MCC: variants seen among roughly 807,000 people sequenced by gnomAD.
MCC encodes colorectal mutant cancer protein.
MCC carries 90 observed loss-of-function variants against 116.2 expected under a neutral mutation model. The observed-to-expected ratio is 0.77, with a 90% CI of 0.65 to 0.92. MCC has a LOEUF of 0.92. Among genes scored for constraint, MCC ranks in the 40% least tolerant of loss-of-function variants. The pLI is 0.00. For synonymous variants in MCC, 578 were observed against 510.5 expected, an observed-to-expected ratio of 1.13 and a Z score of -1.78; for missense variants, 1,516 against 1,312.2, an observed-to-expected ratio of 1.16 and a Z score of -2.40.
intron 3 of MCC, among the ~76,000 whole-genome samples, chr5:113,272,841 G>A (rs1765667348): frequency 6.6e-6 from 1 of 152,190 alleles, no homozygotes; most frequent in Non-Finnish European, 1.5e-5. Flanking sequence ...CCTTTACTTT[G>A]CTGTCCTTCA....
At chr5:113,383,653 T>A (rs374366908) in intron 2 of MCC, among the ~76,000 whole-genome samples, 2 of 152,000 alleles carry the variant, frequency 1.3e-5, no homozygotes, top group Admixed American at 6.6e-5. Flanking sequence ...TTTCCCCGTG[T>A]TTTTTTATAA....
intron 3 of MCC, among the ~76,000 whole-genome samples, chr5:113,266,264 A>AC (rs1765413809): frequency 6.8e-6 from 1 of 146,322 alleles, no homozygotes; most frequent in African/African-American, 2.6e-5. Context: ...CACACACACA[A>AC]AACCATTATC....
chr5:113,115,102 C>G (rs114342657), intron 6 of MCC, among the ~76,000 whole-genome samples: 24 of 152,222 alleles, frequency 1.6e-4, no homozygotes, highest in South Asian at 4.1e-4. Context: ...GATCCTCCCC[C>G]CTGAGACGCT....
At chr5:113,233,238 CA>C (rs1276780336) in intron 3 of MCC, among the ~76,000 whole-genome samples, 3 of 152,112 alleles carry the variant, frequency 2.0e-5, no homozygotes, top group Non-Finnish European at 2.9e-5. Context: ...GTTATATCGG[CA>C]AATGTATGTA....
Position 113,320,149 on chromosome 5 carries a change from G to A in MCC, c.627+20370C>T, listed in dbSNP as rs370120990. Among the ~76,000 whole-genome samples the A allele has an allele frequency of 1.1e-4, 17 of 152,144 alleles. No individual in the cohort carries two copies. The East Asian group carries it at 1.5e-3, about 14-fold the overall frequency. On this transcript the variant is annotated intron_variant, in intron 3 of 18. Transcript: ENST00000408903. ...TTGACTCACTAGTATGCTTATTAGC[G>A]TATATAAACTTTTGCAAAAATTCAA...
intron 11 of MCC, among the ~76,000 whole-genome samples, chr5:113,076,638 C>T (rs1754475191): frequency 1.3e-5 from 2 of 152,140 alleles, no homozygotes; most frequent in Admixed American, 1.3e-4. Context: ...CCAGGCCTGC[C>T]TTACAAGAGC....
intron 3 of MCC, 50 bp downstream of exon 3, chr5:113,340,469 G>T: frequency 1.4e-6 from 2 of 1,470,360 alleles, no homozygotes; most frequent in Non-Finnish European, 9.5e-7. Context: ...TATTTGTATT[G>T]GAATACAGAC....
intron 6 of MCC, among the ~76,000 whole-genome samples, chr5:113,110,088 G>C (rs1193216581): frequency 6.6e-6 from 1 of 152,118 alleles, no homozygotes; most frequent in Non-Finnish European, 1.5e-5. Context: ...CAAGTAGCTG[G>C]GGTTACAGGC....
chr5:113,050,923 G>A (rs1318008025), intron 15 of MCC, among the ~76,000 whole-genome samples: 2 of 152,222 alleles, frequency 1.3e-5, no homozygotes, highest in Non-Finnish European at 2.9e-5. Context: ...TACGGGAGCA[G>A]GATTCTCATC....
chr5:113,137,863 C>T (rs1458578848), intron 5 of MCC, among the ~76,000 whole-genome samples: 1 of 152,050 alleles, frequency 6.6e-6, no homozygotes, highest in Non-Finnish European at 1.5e-5. Flanking sequence ...CAGATGGTGC[C>T]ATCACTAGGT....
intron 3 of MCC, among the ~76,000 whole-genome samples, chr5:113,152,235 A>C (rs1489876436): frequency 6.6e-6 from 1 of 152,230 alleles, no homozygotes; most frequent in African/African-American, 2.4e-5. Context: ...TCAACTTCCA[A>C]GTTCTAAAGA....
rs1756611238 is a variant in MCC at position 113,104,373 on chromosome 5, C to G, written c.1028-18G>C. 2 of 1,592,478 alleles carry G rather than the reference C, an allele frequency of 1.3e-6. No individual in the cohort carries two copies. The highest frequency in any genetic ancestry group is 1.3e-5 in the African/African-American group (1 of 74,496). ...GCAGTTGTCTGTGAGTGAATGAAGA[C>G]AAAATGCGTTACACAGGGCAACAAA... On this transcript the variant is annotated intron_variant, in intron 6 of 18. Transcript: ENST00000408903.
intron 3 of MCC, among the ~76,000 whole-genome samples, chr5:113,227,581 A>G (rs965078704): frequency 3.3e-5 from 5 of 152,226 alleles, no homozygotes; most frequent in Non-Finnish European, 7.3e-5. Flanking sequence ...TGATTTATAG[A>G]ATAATATCCC....
At chr5:113,118,926 C>T (rs984027780) in intron 6 of MCC, among the ~76,000 whole-genome samples, 3 of 152,186 alleles carry the variant, frequency 2.0e-5, no homozygotes, top group African/African-American at 7.2e-5. Flanking sequence ...TCCTCATGGG[C>T]TCCGACCCCA....
At chr5:113,274,230 G>A (rs1211395750) in intron 3 of MCC, among the ~76,000 whole-genome samples, 1 of 152,234 alleles carries the variant, frequency 6.6e-6, no homozygotes, top group Non-Finnish European at 1.5e-5. Flanking sequence ...AGATCTGGGT[G>A]TTAGAAACTT....
At chr5:113,185,568 A>G (rs1000409795) in intron 3 of MCC, among the ~76,000 whole-genome samples, 18 of 152,234 alleles carry the variant, frequency 1.2e-4, no homozygotes, top group Non-Finnish European at 5.9e-5. Flanking sequence ...ATCAGCAAGA[A>G]CTGACAGCTG....
rs552199256 is a variant in MCC, at chr5:113,402,065, C to T, written c.171-16853G>A. Among the ~76,000 whole-genome samples the T allele has an allele frequency of 2.0e-3, 309 of 151,830 alleles. 1 individual carries two copies. Among genetic ancestry groups the T allele is most frequent in the African/African-American group, 7.1e-3 (295 of 41,428 alleles). On this transcript the variant is annotated intron_variant, in intron 1 of 18. Transcript: ENST00000408903. ...ATCCCAGCACTTTGGGAGGCCGAGGCGGGTGGATCACGAGGTCCGGAGATC... is the reference window on the plus strand; with the variant it reads ...ATCCCAGCACTTTGGGAGGCCGAGGTGGGTGGATCACGAGGTCCGGAGATC...
intron 1 of MCC, among the ~76,000 whole-genome samples, chr5:113,460,180 T>A (rs1771706039): frequency 6.6e-6 from 1 of 152,214 alleles, no homozygotes; most frequent in Non-Finnish European, 1.5e-5. Context: ...CAGCTTTTCA[T>A]GACTGTCATG....
chr5:113,128,133 T>C (rs1159427115), intron 5 of MCC, among the ~76,000 whole-genome samples: 1 of 152,252 alleles, frequency 6.6e-6, no homozygotes, highest in East Asian at 1.9e-4. Context: ...AAGCTGAAAG[T>C]ACTATGGAGT....
Sources: gnomAD v4.1 joint callset for allele counts (sites outside exome capture counted in the v4.1 genomes callset) on GRCh38, gnomAD v4.1.1 for gene constraint, MANE v1.5 for transcripts, NCBI Gene and HGNC (gene_info 2026-07-23, HGNC 2026-07-21) for gene names.